The following CHDH variants were observed in gnomAD, a reference collection of about 807,000 sequenced individuals.
CHDH encodes the protein choline dehydrogenase, mitochondrial.
Under a neutral mutation model 56.9 loss-of-function variants are expected in CHDH, and 43 were observed. The observed-to-expected ratio is 0.76, with a 90% CI of 0.59 to 0.97. The LOEUF (loss-of-function observed/expected upper bound fraction) is 0.97. CHDH is among the 50% of genes least tolerant of loss of function. CHDH has a pLI of 0.00. For missense variants in CHDH, 816 were observed against 821.1 expected (o/e 0.99, Z 0.08); for synonymous variants, 364 against 348.5 (o/e 1.04, Z -0.50).
intron 2 of CHDH, among the ~76,000 whole-genome samples, chr3:53,829,365 AC>A (rs1242006450): frequency 6.6e-6 from 1 of 152,142 alleles, no homozygotes; most frequent in Non-Finnish European, 1.5e-5. Flanking sequence ...CCAAGAGTGA[AC>A]CCTAATGTAA....
Position 53,819,746 on chromosome 3 carries a change from CCCT to C in CHDH, c.1121-75_1121-73del. ...CAGGTGGGCCGGCTGCTCCTGGTTT[CCCT>C]CCTTTCTCCTGGCCGCTCCTCTTCC... On this transcript the variant is annotated intron_variant, in intron 6 of 8. Transcript: ENST00000315251. This position sits in a 1 kb window ranked among gnomAD's most constrained non-coding sequence, Gnocchi z 5.4. 3 of 1,463,332 alleles carry C rather than the reference CCCT, an allele frequency of 2.1e-6. No individual in the cohort carries two copies. The allele number at this position is 1,463,332 out of a possible 1,614,324, so 90.6% of individuals were successfully genotyped here. A position where few individuals can be genotyped will look rare whatever the true frequency, so the allele number is the denominator to read the frequency against.
intron 6 of CHDH, 114 bp downstream of exon 6, chr3:53,820,360 A>C (rs2095623836): frequency 7.8e-7 from 1 of 1,281,924 alleles, no homozygotes; most frequent in Non-Finnish European, 1.1e-6. Context: ...GGCTAAGGTA[A>C]ATGGCATAGT....
intron 2 of CHDH, among the ~76,000 whole-genome samples, chr3:53,830,378 T>C (rs950339809): frequency 4.6e-5 from 7 of 150,806 alleles, no homozygotes; most frequent in Non-Finnish European, 1.0e-4. Context: ...AAGAATATTA[T>C]AAGAGGCTGT....
Position 53,818,023 on chromosome 3 carries a change from C to T in CHDH, c.1539G>A (p.Ser513=), listed in dbSNP as rs758769734. Residue 513 remains serine (S), a synonymous_variant, in exon 9 of 9, where the codon TCG becomes TCA. Coordinates refer to ENST00000315251, the MANE Select transcript of CHDH (RefSeq NM_018397.5). The part of the protein sequence containing the change: ...RAKADSAYHP[S]CTCKMGQPSD... ...AGGGCTGGCCCATCTTACAGGTGCA[C>T]GAGGGGTGGTAGGCGCTGTCGGCTT... 4.8e-5 allele frequency: 78 copies of T among 1,614,056 alleles called. No individual in the cohort carries two copies. The highest frequency in any genetic ancestry group is 6.1e-5 in the Non-Finnish European group (72 of 1,180,028).
intron 2 of CHDH, among the ~76,000 whole-genome samples, chr3:53,830,190 A>ATTT (rs56938471): frequency 6.1e-5 from 9 of 146,798 alleles, no homozygotes; most frequent in African/African-American, 2.2e-4. Context: ...CCCAGCAGGC[A>ATTT]TTTTTTTTTT....
chr3:53,823,214 G>C, intron 3 of CHDH, 92 bp downstream of exon 3: 1 of 1,212,350 alleles, frequency 8.2e-7, no homozygotes, highest in Non-Finnish European at 1.1e-6. Context: ...TCCTGACCAT[G>C]CTGGAGCCAG....
rs535052594 is a variant in CHDH at position 53,822,912 on chromosome 3, C to T, written c.704-270G>A. Among the ~76,000 whole-genome samples the T allele has an allele frequency of 1.1e-4, 16 of 152,260 alleles. No homozygotes were observed. In the South Asian group the frequency reaches 3.1e-3, roughly 30 times the overall value. On this transcript the variant is annotated intron_variant, in intron 3 of 8. Coordinates refer to ENST00000315251, the MANE Select transcript of CHDH (RefSeq NM_018397.5). ...GGAGCACAGCCAGAGGGGTGAGAGC[C>T]TTCAAGAGGCAGGCAGAAGCCCCGG...
In CHDH at chr3:53,817,990, G is replaced by A. The variant is rs764981814; in HGVS notation, c.1572C>T (p.Pro524=). The A allele has an allele frequency of 4.3e-6, 7 of 1,614,212 alleles. No individual in the cohort carries two copies. The East Asian group carries it at 1.1e-4, about 26-fold the overall frequency. Residue 524 remains proline, a synonymous_variant, in exon 9 of 9, where the codon CCC becomes CCT. Transcript: ENST00000315251. ...TTGTCTGCGGATCCACCACGGCAGTGGGATCGGAGGGCTGGCCCATCTTAC... is the reference window on the plus strand; with the variant it reads ...TTGTCTGCGGATCCACCACGGCAGTAGGATCGGAGGGCTGGCCCATCTTAC... ...CTCKMGQPSD[P]TAVVDPQTRV... is the part of the protein sequence containing the mutation.
chr3:53,836,629 C>T (rs144684883), intron 2 of CHDH, among the ~76,000 whole-genome samples: 13 of 152,374 alleles, frequency 8.5e-5, no homozygotes, highest in East Asian at 5.8e-4. Flanking sequence ...GAGGGCTCCA[C>T]GCCCTTGCCT....
intron 2 of CHDH, among the ~76,000 whole-genome samples, chr3:53,824,368 G>A (rs2095635030): frequency 6.6e-6 from 1 of 152,228 alleles, no homozygotes; most frequent in Non-Finnish European, 1.5e-5. Context: ...CTGGAAGGCA[G>A]GGGGGCAAAG....
rs1214850619 is a variant in CHDH, at chr3:53,815,033, G to C, written c.*2744C>G. The C allele has an allele frequency of 6.6e-6, 1 of 152,186 alleles. No homozygotes were observed. Among genetic ancestry groups the C allele is most frequent in the African/African-American group, 2.4e-5 (1 of 41,440 alleles). The allele number at this position is 152,186 out of a possible 1,614,324, so 9.4% of individuals were successfully genotyped here. A position where few individuals can be genotyped will look rare whatever the true frequency, so the allele number is the denominator to read the frequency against. ...ACAAGCAGAAAGACTAGATGTTTGG[G>C]TGCCTACAACTCCTGCTTCAGGAAC... On this transcript the variant is annotated 3_prime_UTR_variant, in exon 9 of 9. Coordinates refer to ENST00000315251, the MANE Select transcript of CHDH (RefSeq NM_018397.5).
chr3:53,817,790 G>C lies in CHDH; in HGVS notation c.1772C>G (p.Ala591Gly). 6.2e-7 allele frequency: 1 copy of C among 1,603,408 alleles called. No individual in the cohort carries two copies. The highest frequency in any genetic ancestry group is 8.5e-7 in the Non-Finnish European group (1 of 1,174,210). The stretch of plus-strand genomic sequence containing the variant: ...GCAGCAACTGTCTTAGCGCTGGGTG[G>C]CCAGCGTCCTGGGCTTGTAGACAGG... ...DVPVYKPRTL[A>G]TQR Residue 591 changes from alanine to glycine, a missense_variant, in exon 9 of 9, where the codon GCC (alanine) becomes GGC (glycine). Ala to Gly is a moderately conservative substitution (Grantham distance 60). Transcript: ENST00000315251.
intron 2 of CHDH, among the ~76,000 whole-genome samples, chr3:53,840,248 G>C (rs1233066265): frequency 6.6e-6 from 1 of 152,152 alleles, no homozygotes; most frequent in Non-Finnish European, 1.5e-5. Flanking sequence ...AAATATTTAA[G>C]GGTGGCTCAC....
At chr3:53,827,110 A>G (rs4687590) in intron 2 of CHDH, among the ~76,000 whole-genome samples, 38,621 of 152,014 alleles carry the variant, frequency 0.25, 6,527 homozygotes, top group East Asian at 0.45. Context: ...GAAATACCCC[A>G]TCTGATATGG....
At position 53,824,084 on chromosome 3, in the gene CHDH, G is replaced by C. The variant is rs1039409319; in HGVS notation, c.-59-17C>G. On this transcript the variant is annotated splice_polypyrimidine_tract_variant and intron_variant, in intron 2 of 8. Transcript: ENST00000315251. Reference sequence around the variant, plus strand: ...CACTTCTCCCTAAAACAGGAAGAGGGGCTTTAAAAATCTTAACTCCGCATA... The same window carrying C: ...CACTTCTCCCTAAAACAGGAAGAGGCGCTTTAAAAATCTTAACTCCGCATA... 1.3e-5 allele frequency: 18 copies of C among 1,339,528 alleles called. No individual in the cohort carries two copies. Among genetic ancestry groups the C allele is most frequent in the Middle Eastern group, 2.7e-4 (1 of 3,670 alleles). 83.0% of individuals were successfully genotyped at this position (1,339,528 alleles called of 1,614,324 possible). A position where few individuals can be genotyped will look rare whatever the true frequency, so the allele number is the denominator to read the frequency against.
chr3:53,835,267 T>C (rs774057034), intron 2 of CHDH, among the ~76,000 whole-genome samples: 18 of 152,184 alleles, frequency 1.2e-4, no homozygotes, highest in Non-Finnish European at 2.2e-4. Context: ...TGTTAACACA[T>C]TTAAAAAGTG....
rs1024887464 is a variant in CHDH at position 53,817,842 on chromosome 3, G to T, written c.1720C>A (p.Gln574Lys). The T allele has an allele frequency of 6.2e-7, 1 of 1,614,044 alleles. No individual in the cohort carries two copies. Among genetic ancestry groups the T allele is most frequent in the Admixed American group, 1.7e-5 (1 of 60,012 alleles). Residue 574 changes from glutamine (Q) to lysine (K), a missense_variant, in exon 9 of 9, where the codon CAG (glutamine) becomes AAG (lysine). Physicochemically the swap from Gln to Lys is moderately conservative, Grantham distance 53 (BLOSUM62 1). Coordinates refer to ENST00000315251, the MANE Select transcript of CHDH (RefSeq NM_018397.5). ...AEKAADIIKG[Q>K]PALWDKDVPV... ...ACATCTTTGTCCCAGAGTGCAGGCT[G>T]CCCCTTGATAATGTCAGCTGCCTTC...
At position 53,818,068 on chromosome 3, in the gene CHDH, T is replaced by TATC; in HGVS notation, c.1491_1493dup (p.Glu497_Ile498insMet). 6.2e-7 allele frequency: 1 copy of TATC among 1,614,214 alleles called. No homozygotes were observed. Among genetic ancestry groups the TATC allele is most frequent in the Non-Finnish European group, 8.5e-7 (1 of 1,180,040 alleles). On this transcript the variant is annotated inframe_insertion, in exon 9 of 9. Transcript: ENST00000315251. Reference sequence around the variant, plus strand: ...CGGCTTTTGCCCGCACAAAGGCATCTATCTCTTTATCTGACTGAATGTGGC... The same window carrying TATC: ...CGGCTTTTGCCCGCACAAAGGCATCTATCATCTCTTTATCTGACTGAATGTGGC...
rs1334236974 is a variant in CHDH, at chr3:53,816,851, T to G, written c.*926A>C. 6.7e-6 allele frequency: 1 copy of G among 149,198 alleles called. No individual in the cohort carries two copies. The highest frequency in any genetic ancestry group is 1.5e-5 in the Non-Finnish European group (1 of 67,394). 9.2% of individuals were successfully genotyped at this position (149,198 alleles called of 1,614,324 possible). On this transcript the variant is annotated 3_prime_UTR_variant, in exon 9 of 9. Coordinates refer to ENST00000315251, the MANE Select transcript of CHDH (RefSeq NM_018397.5). ...CAAAAAAATCTCAGGTTTTTTTTTT[T>G]TTTTTTTTTTTTGAGACAGGGTCTC...
Sources: allele counts gnomAD v4.1 joint callset (sites outside exome capture counted in the v4.1 genomes callset), GRCh38; gene constraint gnomAD v4.1.1; non-coding constraint Gnocchi (gnomAD v3.1); transcripts MANE v1.5; gene names NCBI Gene and HGNC (gene_info 2026-07-23, HGNC 2026-07-21).